Variants in SLC27A2 observed in about 807,000 individuals in gnomAD.
SLC27A2 encodes long-chain fatty acid transport protein 2.
Under a neutral mutation model 60.0 loss-of-function variants are expected in SLC27A2, and 54 were observed. The observed-to-expected ratio is 0.90, with a 90% CI of 0.72 to 1.13. The LOEUF (loss-of-function observed/expected upper bound fraction) is 1.13. Ranked by LOEUF, SLC27A2 falls within the 50% of genes most tolerant of loss-of-function variation. SLC27A2 has a pLI of 0.00. For missense variants in SLC27A2, 739 were observed against 777.6 expected (o/e 0.95, Z 0.59); for synonymous variants, 297 against 297.6 (o/e 1.00, Z 0.02).
intron 7 of SLC27A2, among the ~76,000 whole-genome samples, chr15:50,227,688 T>C (rs978900845): frequency 2.0e-5 from 3 of 152,344 alleles, no homozygotes; most frequent in Non-Finnish European, 2.9e-5. Context: ...GACCATGGAA[T>C]TAACTTCCAA....
chr15:50,209,352 G>A (rs962221466), intron 4 of SLC27A2, among the ~76,000 whole-genome samples: 1 of 152,128 alleles, frequency 6.6e-6, no homozygotes, highest in African/African-American at 2.4e-5. Flanking sequence ...CCAAGACAGA[G>A]GGAGGCCAAA....
At position 50,195,928 on chromosome 15, in the gene SLC27A2, G is replaced by C. The variant is rs1189355657; in HGVS notation, c.479-1572G>C. 2.0e-5 allele frequency among the ~76,000 whole-genome samples: 3 copies of C among 148,986 alleles called. No homozygotes were observed. The South Asian group carries it at 6.5e-4, about 32-fold the overall frequency. ...AAATTAACTGGGCATGGTGGCGGGC[G>C]CCTGTGGTCCCAGCTACCGGGAGGC... On this transcript the variant is annotated intron_variant, in intron 1 of 9. Coordinates refer to ENST00000267842, the MANE Select transcript of SLC27A2 (RefSeq NM_003645.4).
At position 50,227,160 on chromosome 15, in the gene SLC27A2, G is replaced by A. The variant is rs1435551942; in HGVS notation, c.1439G>A (p.Arg480Lys). Residue 480 changes from arginine to lysine, a missense_variant, in exon 7 of 10, where the codon AGA becomes AAA. Transcript: ENST00000267842. ...GAAAATTTCATCTATTTCCACGACAGAGTTGGAGATACATTCCGGTTGGTT... is the reference window on the plus strand; with the variant it reads ...GAAAATTTCATCTATTTCCACGACAAAGTTGGAGATACATTCCGGTTGGTT... ...DHENFIYFHD[R>K]VGDTFRWKGE... The A allele has an allele frequency of 1.2e-6, 2 of 1,614,030 alleles. No individual in the cohort carries two copies. The highest frequency in any genetic ancestry group is 1.1e-5 in the South Asian group (1 of 91,058).
At chr15:50,211,771 A>G (rs1787974411) in intron 4 of SLC27A2, among the ~76,000 whole-genome samples, 1 of 152,152 alleles carries the variant, frequency 6.6e-6, no homozygotes, top group Non-Finnish European at 1.5e-5. Context: ...GCAAATAGAT[A>G]GCTTAAAGAA....
chr15:50,233,797 A>C, intron 8 of SLC27A2, 71 bp from the exon 9 acceptor site: 1 of 1,378,202 alleles, frequency 7.3e-7, no homozygotes, highest in South Asian at 1.5e-5. Context: ...GTCTGAGCCC[A>C]CAGTTCTTTG....
chr15:50,197,359 T>A, intron 1 of SLC27A2, 141 bp from the exon 2 acceptor site: 1 of 585,828 alleles, frequency 1.7e-6, no homozygotes, highest in East Asian at 2.8e-5. Flanking sequence ...ATAAAATGCA[T>A]AACGATAAGC....
At chr15:50,235,125 C>T (rs1008934137) in intron 9 of SLC27A2, among the ~76,000 whole-genome samples, 15 of 152,106 alleles carry the variant, frequency 9.9e-5, no homozygotes, top group African/African-American at 3.6e-4. Context: ...GATTCTGTAG[C>T]TGAAGACTTG....
chr15:50,229,843 C>T (rs1567438521), intron 8 of SLC27A2, among the ~76,000 whole-genome samples: 4 of 152,268 alleles, frequency 2.6e-5, no homozygotes, highest in Non-Finnish European at 1.5e-5. Context: ...CCCCACAACT[C>T]ATATTTGGGA....
At chr15:50,194,190 C>T (rs1797316) in intron 1 of SLC27A2, among the ~76,000 whole-genome samples, 130,053 of 152,102 alleles carry the variant, frequency 0.86, 56,216 homozygotes, top group East Asian at 0.95. Context: ...TGTGTATAAG[C>T]GCCCTGATAA....
intron 1 of SLC27A2, among the ~76,000 whole-genome samples, chr15:50,184,500 A>G (rs1344055309): frequency 6.6e-6 from 1 of 152,148 alleles, no homozygotes; most frequent in Non-Finnish European, 1.5e-5. Flanking sequence ...GAAATAAATA[A>G]TCCAAAAAAT....
At chr15:50,219,785 A>G (rs2045230098) in intron 4 of SLC27A2, among the ~76,000 whole-genome samples, 1 of 152,116 alleles carries the variant, frequency 6.6e-6, no homozygotes, top group Non-Finnish European at 1.5e-5. Flanking sequence ...GGCACCCTTC[A>G]TTCCTCTCTG....
chr15:50,205,419 T>C lies in SLC27A2; in HGVS notation c.972+56T>C, dbSNP rs984651424. On this transcript the variant is annotated intron_variant, in intron 4 of 9. Coordinates refer to ENST00000267842, the MANE Select transcript of SLC27A2 (RefSeq NM_003645.4). Reference sequence around the variant, plus strand: ...GAAATGGGTAAGATGGAAATTCAAGTCACTTTGGGTTGTGCTAGGCTTCAA... The same window carrying C: ...GAAATGGGTAAGATGGAAATTCAAGCCACTTTGGGTTGTGCTAGGCTTCAA... The C allele has an allele frequency of 3.2e-6, 5 of 1,551,918 alleles. No homozygotes were observed. In the African/African-American group the frequency reaches 6.8e-5, roughly 21 times the overall value.
chr15:50,216,901 A>G (rs1374328265), intron 4 of SLC27A2, among the ~76,000 whole-genome samples: 1 of 147,482 alleles, frequency 6.8e-6, no homozygotes, highest in Non-Finnish European at 1.5e-5. Flanking sequence ...ATTCCAAAAA[A>G]TATATATATA....
chr15:50,222,240 C>A (rs1340472607), intron 4 of SLC27A2, among the ~76,000 whole-genome samples: 2 of 152,160 alleles, frequency 1.3e-5, no homozygotes, highest in African/African-American at 4.8e-5. Context: ...GTGGCCTCCT[C>A]CTTCTCTTCC....
intron 5 of SLC27A2, among the ~76,000 whole-genome samples, chr15:50,224,192 G>C (rs945509830): frequency 6.6e-6 from 1 of 152,224 alleles, no homozygotes; most frequent in African/African-American, 2.4e-5. Flanking sequence ...TGTAATCCCA[G>C]CACTTTGGGA....
intron 1 of SLC27A2, among the ~76,000 whole-genome samples, chr15:50,194,376 TG>T (rs1489579904): frequency 6.6e-6 from 1 of 152,026 alleles, no homozygotes; most frequent in African/African-American, 2.4e-5. Flanking sequence ...TAATGAGACG[TG>T]AGCATACAGG....
At chr15:50,208,687 A>T (rs1044388083) in intron 4 of SLC27A2, among the ~76,000 whole-genome samples, 7 of 152,246 alleles carry the variant, frequency 4.6e-5, no homozygotes, top group African/African-American at 1.7e-4. Flanking sequence ...CATTCTACTT[A>T]GTTAATCACT....
intron 4 of SLC27A2, among the ~76,000 whole-genome samples, chr15:50,211,780 A>G (rs1249864509): frequency 1.3e-5 from 2 of 152,166 alleles, no homozygotes; most frequent in Non-Finnish European, 2.9e-5. Flanking sequence ...TAGCTTAAAG[A>G]AAAAAACAGG....
At chr15:50,223,906 C>A (rs1184407441) in intron 5 of SLC27A2, among the ~76,000 whole-genome samples, 1 of 152,200 alleles carries the variant, frequency 6.6e-6, no homozygotes, top group Non-Finnish European at 1.5e-5. Flanking sequence ...CGCACCAGAA[C>A]TCCCACGCAA....
Sources: allele counts gnomAD v4.1 joint callset (sites outside exome capture counted in the v4.1 genomes callset), GRCh38; gene constraint gnomAD v4.1.1; transcripts MANE v1.5; gene names NCBI Gene and HGNC (gene_info 2026-07-23, HGNC 2026-07-21).